Variants in NR1H4 observed in about 807,000 individuals in gnomAD.
NR1H4 encodes the protein bile acid receptor.
NR1H4 carries 23 observed loss-of-function variants against 58.5 expected under a neutral mutation model. The observed-to-expected ratio is 0.39, with a 90% CI of 0.28 to 0.56. NR1H4 has a LOEUF of 0.56. NR1H4 is among the 20% of genes least tolerant of loss of function. NR1H4 has a pLI of 0.58. For synonymous variants in NR1H4, 214 were observed against 198.0 expected, an observed-to-expected ratio of 1.08 and a Z score of -0.68; for missense variants, 487 against 576.9, an observed-to-expected ratio of 0.84 and a Z score of 1.60.
rs1302178559 is a variant in NR1H4, at chr12:100,506,032, CACACACACACAGAG to C, written c.80-4744_80-4731del. 7.8e-3 allele frequency among the ~76,000 whole-genome samples: 1,102 copies of C among 141,688 alleles called. 9 individuals are homozygous for C. Among genetic ancestry groups the C allele is most frequent in the African/African-American group, 0.032 (1,023 of 32,418 alleles). 93.0% of individuals were successfully genotyped at this position (141,688 alleles called of 152,430 possible). ...ACACACACACACACACACACACACA[CACACACACACAGAG>C]AGAGAGAGAGAACATGAGCATATGT... is the stretch of plus-strand genomic sequence containing the variant. On this transcript the variant is annotated intron_variant, in intron 3 of 10. Coordinates refer to ENST00000392986, the MANE Select transcript of NR1H4 (RefSeq NM_001206979.2).
At chr12:100,542,301 C>T (rs1342903693) in intron 9 of NR1H4, among the ~76,000 whole-genome samples, 1 of 151,852 alleles carries the variant, frequency 6.6e-6, no homozygotes, top group African/African-American at 2.4e-5. Flanking sequence ...GAGTCAAGAT[C>T]GTGCCACCAC....
In NR1H4 at chr12:100,560,108, G is replaced by A. The variant is rs1455838115; in HGVS notation, c.1079-1777G>A. Among the ~76,000 whole-genome samples the A allele has an allele frequency of 2.0e-5, 3 of 152,112 alleles. No individual in the cohort carries two copies. The East Asian group carries it at 5.8e-4, about 29-fold the overall frequency. On this transcript the variant is annotated intron_variant, in intron 9 of 10. Coordinates refer to ENST00000392986, the MANE Select transcript of NR1H4 (RefSeq NM_001206979.2). ...GCTCTGGTGGGGCCTTGGAGAACCTGTGTGTGGAAACTCTGTATCTAACTA... is the reference window on the plus strand; with the variant it reads ...GCTCTGGTGGGGCCTTGGAGAACCTATGTGTGGAAACTCTGTATCTAACTA...
At chr12:100,530,431 A>T (rs1471507677) in intron 4 of NR1H4, among the ~76,000 whole-genome samples, 1 of 152,240 alleles carries the variant, frequency 6.6e-6, no homozygotes, top group East Asian at 1.9e-4. Context: ...GGTGCTTAAT[A>T]AATGTTAGAT....
intron 9 of NR1H4, among the ~76,000 whole-genome samples, chr12:100,545,719 C>T (rs2136274101): frequency 6.7e-6 from 1 of 149,668 alleles, no homozygotes; most frequent in South Asian, 2.1e-4. Context: ...AATTACGGCA[C>T]CAGAAAGATA....
intron 9 of NR1H4, among the ~76,000 whole-genome samples, chr12:100,561,580 T>C (rs1191184362): frequency 6.6e-6 from 1 of 152,162 alleles, no homozygotes; most frequent in Non-Finnish European, 1.5e-5. Flanking sequence ...GGAGACGTTT[T>C]TGAGATTCTT....
intron 1 of NR1H4, among the ~76,000 whole-genome samples, chr12:100,482,453 T>C (rs1953402188): frequency 6.6e-6 from 1 of 152,200 alleles, no homozygotes; most frequent in Non-Finnish European, 1.5e-5. Flanking sequence ...GTTACTTTAT[T>C]TATTCATGCA....
chr12:100,546,569 C>G (rs912089492), intron 9 of NR1H4, among the ~76,000 whole-genome samples: 1 of 152,004 alleles, frequency 6.6e-6, no homozygotes, highest in Admixed American at 6.6e-5. Context: ...GTGGCAGGCA[C>G]CTGTAATCCT....
chr12:100,505,806 C>T (rs1160536794), intron 3 of NR1H4: 4 of 507,906 alleles, frequency 7.9e-6, no homozygotes. Flanking sequence ...TAAAGTCGAA[C>T]TACCTCTACT....
chr12:100,487,374 G>T (rs1046376880), intron 1 of NR1H4, among the ~76,000 whole-genome samples: 1 of 152,114 alleles, frequency 6.6e-6, no homozygotes. Flanking sequence ...AACAGTGGAT[G>T]AAGGAATGCT....
intron 1 of NR1H4, among the ~76,000 whole-genome samples, chr12:100,490,360 G>T (rs1309521623): frequency 2.0e-5 from 3 of 152,146 alleles, no homozygotes; most frequent in African/African-American, 7.2e-5. Flanking sequence ...AGACAGATGT[G>T]AGACAAGGAG....
Position 100,542,217 on chromosome 12 carries a change from C to T in NR1H4, c.1078+1399C>T, listed in dbSNP as rs1033323131. On this transcript the variant is annotated intron_variant, in intron 9 of 10. Coordinates refer to ENST00000392986, the MANE Select transcript of NR1H4 (RefSeq NM_001206979.2). Reference sequence around the variant, plus strand: ...AAAAAATTAGCTGGGCATGGTAGTACGTGCCTGTAATCCCAGTTACTCAGG... The same window carrying T: ...AAAAAATTAGCTGGGCATGGTAGTATGTGCCTGTAATCCCAGTTACTCAGG... Among the ~76,000 whole-genome samples the T allele has an allele frequency of 5.3e-5, 8 of 152,082 alleles. No homozygotes were observed. The East Asian group carries it at 5.8e-4, about 11-fold the overall frequency.
intron 9 of NR1H4, among the ~76,000 whole-genome samples, chr12:100,549,936 A>G (rs568386597): frequency 6.6e-6 from 1 of 152,314 alleles, no homozygotes; most frequent in South Asian, 2.1e-4. Context: ...TGCTAATACA[A>G]TCATTCTTAT....
chr12:100,559,062 A>G (rs1955400668), intron 9 of NR1H4, among the ~76,000 whole-genome samples: 1 of 152,266 alleles, frequency 6.6e-6, no homozygotes, highest in African/African-American at 2.4e-5. Context: ...GGCAGGGGAC[A>G]GGTCCTAGAG....
At chr12:100,475,924 G>T (rs1953259581) in intron 1 of NR1H4, among the ~76,000 whole-genome samples, 3 of 152,058 alleles carry the variant, frequency 2.0e-5, no homozygotes, top group Non-Finnish European at 1.5e-5. Flanking sequence ...AGTAGAGACG[G>T]GGTTTCACTA....
At chr12:100,548,504 A>C (rs975960697) in intron 9 of NR1H4, among the ~76,000 whole-genome samples, 5 of 152,102 alleles carry the variant, frequency 3.3e-5, no homozygotes, top group Non-Finnish European at 7.4e-5. Context: ...CATATTTCTC[A>C]GGGTGGTGGC....
At chr12:100,509,831 TA>T (rs1461255633) in intron 3 of NR1H4, among the ~76,000 whole-genome samples, 1 of 152,148 alleles carries the variant, frequency 6.6e-6, no homozygotes, top group Non-Finnish European at 1.5e-5. Context: ...GAATATAATG[TA>T]AAAATATCAC....
intron 4 of NR1H4, among the ~76,000 whole-genome samples, chr12:100,529,304 T>G (rs1404029024): frequency 1.3e-5 from 2 of 152,214 alleles, no homozygotes. Context: ...CCCACTTTAG[T>G]TCAGGCATTG....
chr12:100,539,482 C>T (rs1210789410), intron 8 of NR1H4, among the ~76,000 whole-genome samples: 4 of 152,092 alleles, frequency 2.6e-5, no homozygotes, highest in Admixed American at 2.0e-4. Flanking sequence ...GATGGTGGCT[C>T]AATTTTTAGC....
intron 9 of NR1H4, among the ~76,000 whole-genome samples, chr12:100,545,236 G>T (rs1315430804): frequency 6.6e-6 from 1 of 151,684 alleles, no homozygotes; most frequent in African/African-American, 2.4e-5. Flanking sequence ...TCCTTCCCCA[G>T]CCTGGCTGAG....
Sources: allele counts gnomAD v4.1 joint callset (sites outside exome capture counted in the v4.1 genomes callset), GRCh38; gene constraint gnomAD v4.1.1; transcripts MANE v1.5; gene names NCBI Gene and HGNC (gene_info 2026-07-23, HGNC 2026-07-21).